Variants in SKAP2 observed in about 807,000 individuals in gnomAD.
The protein encoded by SKAP2 is src kinase associated phosphoprotein 2, also known as src kinase-associated phosphoprotein 2.
SKAP2 carries 28 observed loss-of-function variants against 54.9 expected under a neutral mutation model. The observed-to-expected ratio is 0.51, with a 90% confidence interval of 0.38 to 0.70. The LOEUF (loss-of-function observed/expected upper bound fraction) is 0.70, where lower values mean the gene tolerates loss of function less well. Ranked by LOEUF, SKAP2 falls within the 30% of genes least tolerant of loss-of-function variation. The probability of loss-of-function intolerance (pLI) is 0.00; values close to 1 mark genes in which losing one functional copy is unlikely to be tolerated. For synonymous variants in SKAP2, 137 were observed against 134.3 expected (o/e 1.02, Z -0.14); for missense variants, 356 against 424.1 (o/e 0.84, Z 1.41).
chr7:26,803,181 G>C (rs928486855), intron 4 of SKAP2, among the ~76,000 whole-genome samples: 1 of 152,028 alleles, frequency 6.6e-6, no homozygotes, highest in Non-Finnish European at 1.5e-5. Flanking sequence ...AATGAAGAGA[G>C]AACACACAGA....
intron 10 of SKAP2, among the ~76,000 whole-genome samples, chr7:26,687,982 T>C (rs900980705): frequency 6.6e-6 from 1 of 151,932 alleles, no homozygotes; most frequent in Non-Finnish European, 1.5e-5. Flanking sequence ...CATGAATGAT[T>C]AAAAAAAGGT....
At chr7:26,695,526 T>A (rs190622436) in intron 9 of SKAP2, among the ~76,000 whole-genome samples, 2 of 152,262 alleles carry the variant, frequency 1.3e-5, no homozygotes, top group Non-Finnish European at 2.9e-5. Context: ...TTTAGGCATA[T>A]GCCTTAACTC....
At chr7:26,780,008 A>C (rs1367779220) in intron 4 of SKAP2, among the ~76,000 whole-genome samples, 1 of 152,084 alleles carries the variant, frequency 6.6e-6, no homozygotes, top group Middle Eastern at 3.2e-3. Flanking sequence ...GTTATCTCTG[A>C]CTCAAGAAAT....
chr7:26,690,662 G>T (rs987510925), intron 9 of SKAP2, among the ~76,000 whole-genome samples: 2 of 152,048 alleles, frequency 1.3e-5, no homozygotes, highest in Admixed American at 6.6e-5. Flanking sequence ...CAAAATTTAA[G>T]ATATGTACTA....
chr7:26,779,273 C>T (rs1185145622), intron 4 of SKAP2, among the ~76,000 whole-genome samples: 1 of 151,932 alleles, frequency 6.6e-6, no homozygotes, highest in Non-Finnish European at 1.5e-5. Flanking sequence ...ATTTCCTCTA[C>T]AATCATTTTT....
At chr7:26,737,525 TG>T (rs1315363055) in intron 6 of SKAP2, among the ~76,000 whole-genome samples, 1 of 152,246 alleles carries the variant, frequency 6.6e-6, no homozygotes, top group African/African-American at 2.4e-5. Context: ...CTTACCTGTA[TG>T]TTTTTAGAAT....
At chr7:26,705,745 G>A (rs1290044467) in intron 9 of SKAP2, among the ~76,000 whole-genome samples, 1 of 152,192 alleles carries the variant, frequency 6.6e-6, no homozygotes, top group Admixed American at 6.5e-5. Flanking sequence ...GCTCCCAGAT[G>A]CTTCTTGCCA....
chr7:26,862,671 C>T lies in SKAP2; in HGVS notation c.67+1692G>A, dbSNP rs560263868. On this transcript the variant is annotated intron_variant, in intron 1 of 12. Coordinates refer to ENST00000345317, the MANE Select transcript of SKAP2 (RefSeq NM_003930.5). ...TTTAGTTAAATTACACAAATAAGGG[C>T]CACAGGAAATACTTGTGATCTATGG... Among the ~76,000 whole-genome samples, 4 of 151,956 alleles carry T rather than the reference C, an allele frequency of 2.6e-5. No individual in the cohort carries two copies. In the South Asian group the frequency reaches 8.3e-4, roughly 32 times the overall value.
At chr7:26,741,301 G>C (rs1782440064) in intron 4 of SKAP2, among the ~76,000 whole-genome samples, 1 of 151,990 alleles carries the variant, frequency 6.6e-6, no homozygotes, top group South Asian at 2.1e-4. Context: ...AGGGTCGCTT[G>C]AGCCCAGGAG....
chr7:26,733,288 CA>C (rs1409285739), intron 6 of SKAP2, among the ~76,000 whole-genome samples: 32 of 151,930 alleles, frequency 2.1e-4, no homozygotes, highest in Non-Finnish European at 1.5e-5. Context: ...CAGATGGAAA[CA>C]GAATTGCAAT....
intron 4 of SKAP2, among the ~76,000 whole-genome samples, chr7:26,758,021 A>T (rs891531326): frequency 6.6e-6 from 1 of 152,206 alleles, no homozygotes; most frequent in Non-Finnish European, 1.5e-5. Context: ...TCGGCCTCCC[A>T]AAGTGCTGGG....
intron 4 of SKAP2, among the ~76,000 whole-genome samples, chr7:26,782,199 T>C (rs965060198): frequency 3.3e-5 from 5 of 152,146 alleles, no homozygotes; most frequent in African/African-American, 1.2e-4. Flanking sequence ...TGGGTATATG[T>C]TGAGAAAATT....
At chr7:26,787,163 G>T (rs1783564759) in intron 4 of SKAP2, among the ~76,000 whole-genome samples, 1 of 152,130 alleles carries the variant, frequency 6.6e-6, no homozygotes, top group South Asian at 2.1e-4. Flanking sequence ...AGCCACAAAT[G>T]ACTTTTAACC....
In SKAP2 at chr7:26,727,025, G is replaced by C. The variant is rs749171308; in HGVS notation, c.470-19C>G. The C allele has an allele frequency of 6.4e-7, 1 of 1,564,950 alleles. No individual in the cohort carries two copies. The stretch of plus-strand genomic sequence containing the variant: ...TGTTTGTCTGTTGAAGATAAAACCA[G>C]TTAGAATTTCATTTACTAAGTATTA... On this transcript the variant is annotated intron_variant, in intron 6 of 12. Transcript: ENST00000345317.
At chr7:26,773,277 T>A (rs1327108188) in intron 4 of SKAP2, among the ~76,000 whole-genome samples, 1 of 152,230 alleles carries the variant, frequency 6.6e-6, no homozygotes, top group Non-Finnish European at 1.5e-5. Context: ...TATCTCTCCA[T>A]TGAGGATATA....
chr7:26,677,876 A>C (rs1786386729), intron 11 of SKAP2, among the ~76,000 whole-genome samples: 1 of 152,246 alleles, frequency 6.6e-6, no homozygotes, highest in Non-Finnish European at 1.5e-5. Context: ...ACAAGATTTA[A>C]TTATGTAAAA....
intron 4 of SKAP2, among the ~76,000 whole-genome samples, chr7:26,785,919 C>T (rs1359890680): frequency 6.6e-6 from 1 of 152,174 alleles, no homozygotes; most frequent in Non-Finnish European, 1.5e-5. Context: ...GCCCTGGGAG[C>T]AAGCTTGGGG....
At chr7:26,763,956 A>G (rs146532374) in intron 4 of SKAP2, among the ~76,000 whole-genome samples, 1,931 of 152,274 alleles carry the variant, frequency 0.013, 20 homozygotes, top group South Asian at 0.035. Flanking sequence ...ATCATCAACT[A>G]TACAATTCGT....
chr7:26,855,826 T>C (rs1331822233), intron 1 of SKAP2, among the ~76,000 whole-genome samples: 1 of 149,536 alleles, frequency 6.7e-6, no homozygotes. Flanking sequence ...CATTTTGAAA[T>C]ATCTAATATG....
Sources: allele counts gnomAD v4.1 joint callset (sites outside exome capture counted in the v4.1 genomes callset), GRCh38; gene constraint gnomAD v4.1.1; transcripts MANE v1.5; gene names NCBI Gene and HGNC (gene_info 2026-07-23, HGNC 2026-07-21).